The following SCAI variants were observed in gnomAD, a reference collection of about 807,000 sequenced individuals.
SCAI encodes the protein suppressor of cancer cell invasion.
Under a neutral mutation model 92.2 loss-of-function variants are expected in SCAI, and 24 were observed. The observed-to-expected ratio is 0.26, with a 90% CI of 0.19 to 0.37. The LOEUF (loss-of-function observed/expected upper bound fraction) is 0.37. Among genes scored for constraint, SCAI ranks in the 10% least tolerant of loss-of-function variants. The pLI is 1.00. For synonymous variants in SCAI, 261 were observed against 258.6 expected (o/e 1.01, Z -0.09); for missense variants, 450 against 736.2 (o/e 0.61, Z 4.50).
chr9:124,979,049 C>T (rs60615709), intron 14 of SCAI, among the ~76,000 whole-genome samples: 15 of 151,380 alleles, frequency 9.9e-5, no homozygotes, highest in African/African-American at 3.2e-4. Flanking sequence ...TTAGTAGAGA[C>T]GGGGTTTCGC....
intron 2 of SCAI, among the ~76,000 whole-genome samples, chr9:125,131,969 G>C (rs1203796663): frequency 2.6e-5 from 4 of 152,320 alleles, no homozygotes; most frequent in East Asian, 3.9e-4. Context: ...GCAGTGGACA[G>C]ATTAACACTG....
At chr9:125,049,407 C>T (rs554452145) in intron 3 of SCAI, among the ~76,000 whole-genome samples, 3 of 152,192 alleles carry the variant, frequency 2.0e-5, no homozygotes, top group Non-Finnish European at 4.4e-5. Context: ...CAGTCTTAGT[C>T]ACCATGGCAA....
chr9:125,135,961 C>T (rs1175723342), intron 2 of SCAI, among the ~76,000 whole-genome samples: 3 of 142,594 alleles, frequency 2.1e-5, no homozygotes, highest in Non-Finnish European at 4.5e-5. Flanking sequence ...AAGCAAAACT[C>T]CATCTCAAAC....
intron 17 of SCAI, among the ~76,000 whole-genome samples, chr9:124,958,924 CAAACAAAA>C (rs1831376281): frequency 6.9e-6 from 1 of 144,890 alleles, no homozygotes. Flanking sequence ...AAAAAAAGAA[CAAACAAAA>C]AAACAAAATC....
At chr9:125,137,711 T>C (rs747641084) in intron 2 of SCAI, among the ~76,000 whole-genome samples, 1 of 152,056 alleles carries the variant, frequency 6.6e-6, no homozygotes, top group African/African-American at 2.4e-5. Context: ...AGAGATTCTC[T>C]GGCCTCAGCC....
rs570367047 is a variant in SCAI, at chr9:124,991,229, G to A, written c.1326+3705C>T. The stretch of plus-strand genomic sequence containing the variant: ...TAGCCAGGTGTGGTGGCACATGCCT[G>A]TAATCCCAGCTACTCGGGAGGCTGA... On this transcript the variant is annotated intron_variant, in intron 14 of 17. Transcript: ENST00000336505. Among the ~76,000 whole-genome samples, 8 of 151,110 alleles carry A rather than the reference G, an allele frequency of 5.3e-5. No homozygotes were observed. In the East Asian group the frequency reaches 1.2e-3, roughly 22 times the overall value.
intron 14 of SCAI, among the ~76,000 whole-genome samples, chr9:124,987,090 T>C (rs1355740927): frequency 6.6e-6 from 1 of 152,166 alleles, no homozygotes; most frequent in Admixed American, 6.5e-5. Context: ...TGGAGTGCAG[T>C]GGTGCGATCT....
chr9:125,097,149 T>C (rs1834574803), intron 2 of SCAI, among the ~76,000 whole-genome samples: 2 of 152,178 alleles, frequency 1.3e-5, no homozygotes, highest in Admixed American at 1.3e-4. Flanking sequence ...AGTTAAAAAA[T>C]TAGCTGGGCG....
Position 125,087,102 on chromosome 9 carries a change from A to C in SCAI, c.99-31095T>G, listed in dbSNP as rs553799760. Among the ~76,000 whole-genome samples, 207 of 152,338 alleles carry C rather than the reference A, an allele frequency of 1.4e-3. 2 individuals are homozygous for C. The highest frequency in any genetic ancestry group is 1.8e-3 in the Non-Finnish European group (125 of 68,020). On this transcript the variant is annotated intron_variant, in intron 2 of 17. Transcript: ENST00000336505. ...CTATAAATAAGTGTAAGAAGAAACA[A>C]AGGAATGTAACTAGAGAAAACAGCA...
At chr9:125,104,817 G>A (rs1027324401) in intron 2 of SCAI, among the ~76,000 whole-genome samples, 3 of 152,042 alleles carry the variant, frequency 2.0e-5, no homozygotes, top group Admixed American at 2.0e-4. Flanking sequence ...AATTAGCCAG[G>A]CATGGCAGTG....
At chr9:125,039,862 T>C (rs1215029107) in intron 3 of SCAI, among the ~76,000 whole-genome samples, 3 of 152,178 alleles carry the variant, frequency 2.0e-5, no homozygotes, top group Admixed American at 2.0e-4. Context: ...GACAGGGAAC[T>C]AGTAATAAGC....
intron 2 of SCAI, among the ~76,000 whole-genome samples, chr9:125,104,952 T>C (rs1347587181): frequency 1.4e-5 from 2 of 146,084 alleles, no homozygotes; most frequent in East Asian, 2.0e-4. Flanking sequence ...AGCAAGACCC[T>C]GTCTCAAAAA....
In SCAI at chr9:124,994,940, C is replaced by G. The variant is rs763886551; in HGVS notation, c.1320G>C (p.Ala440=). 2 of 1,610,922 alleles carry G rather than the reference C, an allele frequency of 1.2e-6. No individual in the cohort carries two copies. Among genetic ancestry groups the G allele is most frequent in the Admixed American group, 1.7e-5 (1 of 59,886 alleles). ...FIIVDSSNSV[A]YKNFTNLFGQ... ...TAGCTCTCATGGAACTCACCTTATA[C>G]GCAACACTATTAGACGAATCCACAA... The change falls in exon 14 of 18, where the codon GCG becomes GCC. Residue 440 remains alanine (A), a synonymous_variant. Coordinates refer to ENST00000336505, the MANE Select transcript of SCAI (RefSeq NM_001144877.3).
chr9:125,015,627 C>T (rs1832742274), intron 9 of SCAI, among the ~76,000 whole-genome samples: 2 of 152,220 alleles, frequency 1.3e-5, no homozygotes, highest in South Asian at 2.1e-4. Flanking sequence ...TGTGGCGATT[C>T]CTCAGGGATC....
chr9:125,066,202 A>C (rs1296699130), intron 2 of SCAI: 1 of 514,210 alleles, frequency 1.9e-6, no homozygotes, highest in Non-Finnish European at 3.4e-6. Context: ...TTCTGGATAA[A>C]AGGTCAACAC....
At chr9:125,046,435 T>C (rs1344863173) in intron 3 of SCAI, among the ~76,000 whole-genome samples, 3 of 145,692 alleles carry the variant, frequency 2.1e-5, no homozygotes, top group Non-Finnish European at 4.5e-5. Flanking sequence ...ACCATTATTC[T>C]AAGTTAAGTA....
At chr9:124,993,441 T>C (rs1832175553) in intron 14 of SCAI, among the ~76,000 whole-genome samples, 1 of 152,144 alleles carries the variant, frequency 6.6e-6, no homozygotes, top group South Asian at 2.1e-4. Flanking sequence ...ATACTAAAAA[T>C]TAGCCGGGCA....
At position 125,020,696 on chromosome 9, in the gene SCAI, C is replaced by T. The variant is rs1423760195; in HGVS notation, c.586G>A (p.Asp196Asn). The T allele has an allele frequency of 1.3e-6, 2 of 1,492,752 alleles. No homozygotes were observed. Among genetic ancestry groups the T allele is most frequent in the Non-Finnish European group, 1.8e-6 (2 of 1,087,226 alleles). The allele number at this position is 1,492,752 out of a possible 1,614,324, so 92.5% of individuals were successfully genotyped here. A position where few individuals can be genotyped will look rare whatever the true frequency, so the allele number is the denominator to read the frequency against. Residue 196 changes from aspartate (D) to asparagine (N), a missense_variant, in exon 7 of 18, where the codon GAT becomes AAT. Transcript: ENST00000336505. Reference sequence around the variant, plus strand: ...ACCTTTACCAGATCCTTTACAACATCCATTTTGTTGAGAAGAAGACAAACT... The same window carrying T: ...ACCTTTACCAGATCCTTTACAACATTCATTTTGTTGAGAAGAAGACAAACT... Reference protein sequence around the residue: ...IVVCLLLNKMDVVKDLVKELS... With the variant: ...IVVCLLLNKMNVVKDLVKELS...
chr9:124,967,431 G>A (rs115114859), intron 17 of SCAI, among the ~76,000 whole-genome samples: 1 of 152,156 alleles, frequency 6.6e-6, no homozygotes. Context: ...CTTTGTGGCT[G>A]AACTACGTCT....
Sources: gnomAD v4.1 joint callset for allele counts (sites outside exome capture counted in the v4.1 genomes callset) on GRCh38, gnomAD v4.1.1 for gene constraint, MANE v1.5 for transcripts, NCBI Gene and HGNC (gene_info 2026-07-23, HGNC 2026-07-21) for gene names.